Variants in MACROD2 observed in about 807,000 individuals in gnomAD.
MACROD2 encodes the protein ADP-ribose glycohydrolase MACROD2.
A neutral mutation model predicts 70.4 loss-of-function variants in MACROD2; 36 were observed. The observed-to-expected ratio is 0.51, with a 90% CI of 0.39 to 0.68. The LOEUF (loss-of-function observed/expected upper bound fraction) is 0.68, where lower values mean the gene tolerates loss of function less well. MACROD2 is among the 30% of genes least tolerant of loss of function. The pLI, the probability that MACROD2 is intolerant of heterozygous loss-of-function variation, is 0.00. For synonymous variants in MACROD2, 172 were observed against 178.8 expected (o/e 0.96, Z 0.30); for missense variants, 496 against 538.4 (o/e 0.92, Z 0.78).
At chr20:15,741,293 G>A (rs2051102497) in intron 8 of MACROD2, among the ~76,000 whole-genome samples, 1 of 151,178 alleles carries the variant, frequency 6.6e-6, no homozygotes, top group African/African-American at 2.4e-5. Context: ...TAGAAACGGG[G>A]TTTCACCATG....
At chr20:14,197,006 A>T (rs1475385280) in intron 3 of MACROD2, among the ~76,000 whole-genome samples, 1 of 152,252 alleles carries the variant, frequency 6.6e-6, no homozygotes, top group Non-Finnish European at 1.5e-5. Flanking sequence ...CATGCTGTAC[A>T]CACGGCATAT....
chr20:14,357,930 T>C (rs1716053483), intron 3 of MACROD2, among the ~76,000 whole-genome samples: 1 of 152,232 alleles, frequency 6.6e-6, no homozygotes, highest in Admixed American at 6.5e-5. Flanking sequence ...GCCACTGATC[T>C]CACACAAAGT....
chr20:15,725,733 C>G (rs1181885232), intron 8 of MACROD2, among the ~76,000 whole-genome samples: 1 of 151,486 alleles, frequency 6.6e-6, no homozygotes, highest in Admixed American at 6.6e-5. Context: ...ACTTTTTTTT[C>G]AACATTTATT....
intron 7 of MACROD2, among the ~76,000 whole-genome samples, chr20:15,481,914 T>G (rs2047103186): frequency 1.3e-5 from 2 of 152,184 alleles, no homozygotes; most frequent in African/African-American, 4.8e-5. Flanking sequence ...CTTGAATTTC[T>G]TCTTTTTTTT....
At chr20:15,991,565 A>G (rs939543055) in intron 15 of MACROD2, among the ~76,000 whole-genome samples, 4 of 152,220 alleles carry the variant, frequency 2.6e-5, no homozygotes, top group Non-Finnish European at 5.9e-5. Context: ...GTTCTTGGCT[A>G]TAAAGAATCA....
At chr20:15,584,649 A>G (rs2048571806) in intron 8 of MACROD2, among the ~76,000 whole-genome samples, 1 of 152,228 alleles carries the variant, frequency 6.6e-6, no homozygotes, top group Non-Finnish European at 1.5e-5. Context: ...CATCAGACAC[A>G]CACGTTTCTT....
At chr20:15,169,569 A>G (rs2076408954) in intron 5 of MACROD2, among the ~76,000 whole-genome samples, 1 of 152,216 alleles carries the variant, frequency 6.6e-6, no homozygotes, top group Non-Finnish European at 1.5e-5. Context: ...CTCTGGGATG[A>G]CCCAGTTATT....
chr20:15,125,549 A>T (rs934286237), intron 5 of MACROD2, among the ~76,000 whole-genome samples: 2 of 152,108 alleles, frequency 1.3e-5, no homozygotes, highest in African/African-American at 4.8e-5. Context: ...GTTTCTGCTG[A>T]GGAAAGTAGG....
intron 6 of MACROD2, among the ~76,000 whole-genome samples, chr20:15,366,454 T>C (rs2045410789): frequency 2.0e-5 from 3 of 152,228 alleles, no homozygotes; most frequent in Non-Finnish European, 4.4e-5. Context: ...GAAATCAAAA[T>C]CATCCATATT....
rs139274812 is a variant in MACROD2, at chr20:14,153,279, G to A, written c.271+67551G>A. On this transcript the variant is annotated intron_variant, in intron 3 of 17. Coordinates refer to ENST00000684519, the MANE Select transcript of MACROD2 (RefSeq NM_001351661.2). Reference sequence around the variant, plus strand: ...TTTCGAGTGAGAAATAAAAACAGTGGCAGGAGTATATATAGAGAAAAATCC... The same window carrying A: ...TTTCGAGTGAGAAATAAAAACAGTGACAGGAGTATATATAGAGAAAAATCC... Among the ~76,000 whole-genome samples, 223 of 152,240 alleles carry A rather than the reference G, an allele frequency of 1.5e-3. 3 individuals are homozygous for A. The East Asian group carries it at 0.035, about 24-fold the overall frequency.
Position 15,933,328 on chromosome 20 carries a change from C to G in MACROD2, c.828C>G (p.Ser276Arg). ...KQSVEEMEEQ[S>R]QDADGVNTVT... The stretch of plus-strand genomic sequence containing the variant: ...GTGTGGAAGAAATGGAAGAGCAGAG[C>G]CAAGATGCAGGTAGGCTCAGATTTC... The change falls in exon 11 of 18, where the codon AGC becomes AGG. Residue 276 changes from serine (S) to arginine (R), a missense_variant. Physicochemically the swap from Ser to Arg is moderately radical, Grantham distance 110. Coordinates refer to ENST00000684519, the MANE Select transcript of MACROD2 (RefSeq NM_001351661.2). 6.2e-7 allele frequency: 1 copy of G among 1,613,158 alleles called. No homozygotes were observed. Among genetic ancestry groups the G allele is most frequent in the Non-Finnish European group, 8.5e-7 (1 of 1,179,438 alleles).
chr20:15,301,321 G>A (rs1217582866), intron 6 of MACROD2, among the ~76,000 whole-genome samples: 2 of 152,200 alleles, frequency 1.3e-5, no homozygotes, highest in Admixed American at 1.3e-4. Context: ...TGGTCAGAAG[G>A]CCTCAGAGGA....
At position 14,980,762 on chromosome 20, in the gene MACROD2, A is replaced by C. The variant is rs565598915; in HGVS notation, c.419-249178A>C. Among the ~76,000 whole-genome samples the C allele has an allele frequency of 2.6e-5, 4 of 152,280 alleles. No individual in the cohort carries two copies. In the East Asian group the frequency reaches 7.7e-4, roughly 29 times the overall value. ...CATGGTAGTATAAAGCATCAAGTTT[A>C]GCACCTAGCTAGGAATCCAGGTGTT... On this transcript the variant is annotated intron_variant, in intron 5 of 17. Transcript: ENST00000684519.
intron 3 of MACROD2, among the ~76,000 whole-genome samples, chr20:14,231,026 AATC>A (rs1316521619): frequency 3.3e-5 from 5 of 151,744 alleles, no homozygotes; most frequent in African/African-American, 1.2e-4. Context: ...TCTCAATAGT[AATC>A]TTAAAATATT....
At position 14,789,410 on chromosome 20, in the gene MACROD2, C is replaced by A. The variant is rs2085220490; in HGVS notation, c.418+104451C>A. Among the ~76,000 whole-genome samples, 3 of 142,378 alleles carry A rather than the reference C, an allele frequency of 2.1e-5. No homozygotes were observed. The Admixed American group carries it at 2.1e-4, about 10-fold the overall frequency. The allele number at this position is 142,378 out of a possible 152,430, so 93.4% of individuals were successfully genotyped here. A position where few individuals can be genotyped will look rare whatever the true frequency, so the allele number is the denominator to read the frequency against. On this transcript the variant is annotated intron_variant, in intron 5 of 17. Transcript: ENST00000684519. ...ATCCAAGAGGCCAAAAACGTAACGC[C>A]TGGAAAAAATAAATTCCTTTTAATC...
intron 4 of MACROD2, among the ~76,000 whole-genome samples, chr20:14,659,056 C>T (rs1235153540): frequency 6.6e-6 from 1 of 152,116 alleles, no homozygotes; most frequent in African/African-American, 2.4e-5. Flanking sequence ...ATGGATCTCC[C>T]AAATTTGCTT....
At chr20:15,197,145 T>G (rs980220798) in intron 5 of MACROD2, 4 of 352,162 alleles carry the variant, frequency 1.1e-5, no homozygotes, top group African/African-American at 4.5e-5. Context: ...TGAGTGACTC[T>G]TTTTTAAGGT....
chr20:15,674,067 A>G (rs6074938), intron 8 of MACROD2, among the ~76,000 whole-genome samples: 31,756 of 152,126 alleles, frequency 0.21, 3,379 homozygotes, highest in East Asian at 0.29. Flanking sequence ...GTGAACCTAT[A>G]GATCTGATTT....
rs141652621 is a variant in MACROD2 at position 15,031,650 on chromosome 20, C to T, written c.419-198290C>T. 3.9e-5 allele frequency among the ~76,000 whole-genome samples: 6 copies of T among 152,232 alleles called. No individual in the cohort carries two copies. The East Asian group carries it at 7.8e-4, about 20-fold the overall frequency. ...AGACCTGAAATGGATAGTTGATTCC[C>T]GCAGCTGTTAGTACCGTCTGTGTTA... On this transcript the variant is annotated intron_variant, in intron 5 of 17. Coordinates refer to ENST00000684519, the MANE Select transcript of MACROD2 (RefSeq NM_001351661.2).
Sources: gnomAD v4.1 joint callset for allele counts (sites outside exome capture counted in the v4.1 genomes callset) on GRCh38, gnomAD v4.1.1 for gene constraint, MANE v1.5 for transcripts, NCBI Gene and HGNC (gene_info 2026-07-23, HGNC 2026-07-21) for gene names.